The following ZMYM5 variants were observed in gnomAD, a reference collection of about 807,000 sequenced individuals.
The protein encoded by ZMYM5 is zinc finger MYM-type containing 5, also known as zinc finger MYM-type protein 5.
A neutral mutation model predicts 61.8 loss-of-function variants in ZMYM5; 41 were observed. That is an observed-to-expected ratio of 0.66 (90% CI 0.52 to 0.86). ZMYM5 has a LOEUF of 0.86. ZMYM5 is among the 40% of genes least tolerant of loss of function. The pLI is 0.00. For missense variants in ZMYM5, 706 were observed against 786.7 expected (o/e 0.90, Z 1.23); for synonymous variants, 257 against 276.4 (o/e 0.93, Z 0.70).
chr13:19,860,562 C>T (rs999132981), intron 2 of ZMYM5, among the ~76,000 whole-genome samples: 4 of 151,604 alleles, frequency 2.6e-5, no homozygotes, highest in Non-Finnish European at 4.4e-5. Context: ...CTTGGCCTCC[C>T]AAAGTACTGA....
intron 4 of ZMYM5, among the ~76,000 whole-genome samples, chr13:19,848,893 G>C (rs983013978): frequency 6.6e-6 from 1 of 151,864 alleles, no homozygotes; most frequent in African/African-American, 2.4e-5. Context: ...CCTGGCTAAA[G>C]CTTTAATTTT....
At chr13:19,827,551 A>T (rs1685348975) in intron 7 of ZMYM5, among the ~76,000 whole-genome samples, 1 of 152,220 alleles carries the variant, frequency 6.6e-6, no homozygotes, top group South Asian at 2.1e-4. Context: ...TGTAAATTCA[A>T]AGTAGTATGT....
At chr13:19,837,409 C>CA (rs1952706829) in intron 6 of ZMYM5, 2 of 1,490,806 alleles carry the variant, frequency 1.3e-6, no homozygotes, top group Non-Finnish European at 1.8e-6. Context: ...CACCATAAAA[C>CA]AATTGCCTTG....
chr13:19,861,935 T>C (rs1346461670), intron 2 of ZMYM5, among the ~76,000 whole-genome samples: 2 of 152,036 alleles, frequency 1.3e-5, no homozygotes, highest in East Asian at 1.9e-4. Flanking sequence ...TGGTCAATCT[T>C]AGAATTAGGA....
intron 4 of ZMYM5, among the ~76,000 whole-genome samples, chr13:19,848,501 C>CA (rs1361862398): frequency 6.6e-6 from 1 of 151,928 alleles, no homozygotes; most frequent in Admixed American, 6.6e-5. Flanking sequence ...AGACTGGACT[C>CA]AAACTCCTGG....
chr13:19,845,997 C>T (rs9578225), intron 4 of ZMYM5, among the ~76,000 whole-genome samples: 14,960 of 152,208 alleles, frequency 0.098, 868 homozygotes, highest in African/African-American at 0.16. Context: ...GTTCATCTTT[C>T]TGGTGTTTAG....
intron 2 of ZMYM5, among the ~76,000 whole-genome samples, chr13:19,856,784 TG>T (rs762163012): frequency 3.3e-5 from 5 of 152,090 alleles, no homozygotes; most frequent in Non-Finnish European, 2.9e-5. Flanking sequence ...CACTCCAACC[TG>T]GGTAACAAAA....
At chr13:19,859,106 T>G (rs1463888317) in intron 2 of ZMYM5, among the ~76,000 whole-genome samples, 1 of 151,856 alleles carries the variant, frequency 6.6e-6, no homozygotes, top group Non-Finnish European at 1.5e-5. Flanking sequence ...CATTCCAGCC[T>G]GGGCAACAAG....
intron 2 of ZMYM5, among the ~76,000 whole-genome samples, chr13:19,855,732 C>G (rs1255947883): frequency 6.6e-6 from 1 of 151,170 alleles, no homozygotes. Context: ...CTACTAAAGG[C>G]CAGGTGCAGT....
intron 4 of ZMYM5, among the ~76,000 whole-genome samples, chr13:19,850,079 T>C (rs527745556): frequency 2.6e-5 from 4 of 151,950 alleles, no homozygotes; most frequent in African/African-American, 9.7e-5. Flanking sequence ...TTCAACAGGC[T>C]ATAAACACTA....
chr13:19,848,395 C>T (rs1953161873), intron 4 of ZMYM5, among the ~76,000 whole-genome samples: 1 of 152,136 alleles, frequency 6.6e-6, no homozygotes, highest in Non-Finnish European at 1.5e-5. Context: ...ATCCTCCTGC[C>T]TCAGCCTACG....
At chr13:19,837,493 A>C (rs1952710027) in intron 6 of ZMYM5, 163 bp downstream of exon 6, 1 of 1,583,532 alleles carries the variant, frequency 6.3e-7, no homozygotes, top group Non-Finnish European at 8.5e-7. Context: ...TATTTATAAA[A>C]TATCCCATAA....
chr13:19,856,815 CA>C (rs1168649629), intron 2 of ZMYM5, among the ~76,000 whole-genome samples: 1 of 151,348 alleles, frequency 6.6e-6, no homozygotes, highest in Non-Finnish European at 1.5e-5. Flanking sequence ...GTCTCGAAAA[CA>C]AACAAAAAGG....
At chr13:19,862,592 T>A (rs865968271) in intron 1 of ZMYM5, 126 bp from the exon 2 acceptor site, 1 of 151,854 alleles carries the variant, frequency 6.6e-6, no homozygotes, top group Middle Eastern at 3.4e-3. Flanking sequence ...TCCCCCACCC[T>A]AATGTTACCG....
chr13:19,860,589 C>T (rs1018487824), intron 2 of ZMYM5, among the ~76,000 whole-genome samples: 1 of 151,826 alleles, frequency 6.6e-6, no homozygotes, highest in African/African-American at 2.4e-5. Context: ...AGGTGTGAGT[C>T]ACCATGCCCA....
chr13:19,854,507 C>T (rs2138632660), intron 2 of ZMYM5, among the ~76,000 whole-genome samples: 1 of 151,996 alleles, frequency 6.6e-6, no homozygotes, highest in Non-Finnish European at 1.5e-5. Context: ...CGCCTGTAAT[C>T]CCAGCTACTC....
intron 4 of ZMYM5, among the ~76,000 whole-genome samples, chr13:19,844,960 T>C (rs1953024422): frequency 6.6e-6 from 1 of 152,138 alleles, no homozygotes; most frequent in African/African-American, 2.4e-5. Context: ...CACAATTTGG[T>C]GGTGGGGGAA....
Position 19,837,730 on chromosome 13 carries a change from A to G in ZMYM5, c.964T>C (p.Cys322Arg). The G allele has an allele frequency of 6.3e-7, 1 of 1,582,052 alleles. No homozygotes were observed. Among genetic ancestry groups the G allele is most frequent in the Admixed American group, 2.1e-5 (1 of 48,702 alleles). The change falls in exon 6 of 8, where the codon TGT becomes CGT. Residue 322 changes from cysteine to arginine, a missense_variant. Physicochemically the swap from Cys to Arg is radical, Grantham distance 180. Coordinates refer to ENST00000337963, the MANE Select transcript of ZMYM5 (RefSeq NM_001142684.2). Reference protein sequence around the residue: ...EFYSTSCLSPCENNWNLKKGV... With the variant: ...EFYSTSCLSPRENNWNLKKGV... Reference sequence around the variant, plus strand: ...TTTTTAAGATTCCAGTTGTTTTCACAGGGAGACAAACAAGATGTACTATAA... The same window carrying G: ...TTTTTAAGATTCCAGTTGTTTTCACGGGGAGACAAACAAGATGTACTATAA...
chr13:19,823,548 T>G lies in ZMYM5; in HGVS notation c.*929A>C, dbSNP rs1273609854. 1 of 152,140 alleles carries G rather than the reference T, an allele frequency of 6.6e-6. No individual in the cohort carries two copies. Among genetic ancestry groups the G allele is most frequent in the Non-Finnish European group, 1.5e-5 (1 of 68,026 alleles). The allele number at this position is 152,140 out of a possible 1,614,324, so 9.4% of individuals were successfully genotyped here. On this transcript the variant is annotated 3_prime_UTR_variant, in exon 8 of 8. Transcript: ENST00000337963. The stretch of plus-strand genomic sequence containing the variant: ...ATCAACATAAAATAGGTAAATATAG[T>G]TCACATACAATAATAAATGCTAAAA...
Sources: allele counts gnomAD v4.1 joint callset (sites outside exome capture counted in the v4.1 genomes callset), GRCh38; gene constraint gnomAD v4.1.1; transcripts MANE v1.5; gene names NCBI Gene and HGNC (gene_info 2026-07-23, HGNC 2026-07-21).